The following NDOR1 variants were observed in gnomAD, a reference collection of about 807,000 sequenced individuals.
The protein encoded by NDOR1 is NADPH-dependent diflavin oxidoreductase 1.
A neutral mutation model predicts 67.2 loss-of-function variants in NDOR1; 61 were observed. That is an observed-to-expected ratio of 0.91 (90% CI 0.74 to 1.12). The LOEUF is 1.12. NDOR1 is among the 50% of genes most tolerant of loss of function. The pLI is 0.00. For missense variants in NDOR1, 878 were observed against 802.8 expected, an observed-to-expected ratio of 1.09 and a Z score of -1.13; for synonymous variants, 378 against 343.7, an observed-to-expected ratio of 1.10 and a Z score of -1.10.
At chr9:137,214,497 G>C in intron 6 of NDOR1, 73 bp from the exon 7 acceptor site, 1 of 1,609,470 alleles carries the variant, frequency 6.2e-7, no homozygotes, top group Non-Finnish European at 8.5e-7. Flanking sequence ...GGGCTGCAGG[G>C]GATGACTTCT....
At position 137,217,504 on chromosome 9, in the gene NDOR1, C is replaced by G. The variant is rs1030183871; in HGVS notation, c.*1088C>G. 1 of 153,850 alleles carries G rather than the reference C, an allele frequency of 6.5e-6. No homozygotes were observed. Among genetic ancestry groups the G allele is most frequent in the Non-Finnish European group, 1.4e-5 (1 of 69,254 alleles). 9.5% of individuals were successfully genotyped at this position (153,850 alleles called of 1,614,324 possible). Reference sequence around the variant, plus strand: ...GTTCGGTGGCTGTTCACACCCGCCTCGCTGTCTTGGAGTCTTGATCTGTCG... The same window carrying G: ...GTTCGGTGGCTGTTCACACCCGCCTGGCTGTCTTGGAGTCTTGATCTGTCG... On this transcript the variant is annotated 3_prime_UTR_variant, in exon 14 of 14. Coordinates refer to ENST00000684003, the MANE Select transcript of NDOR1 (RefSeq NM_014434.4).
Position 137,216,487 on chromosome 9 carries a change from C to T in NDOR1, c.*71C>T. 6.5e-7 allele frequency: 1 copy of T among 1,534,274 alleles called. No individual in the cohort carries two copies. Among genetic ancestry groups the T allele is most frequent in the Non-Finnish European group, 8.7e-7 (1 of 1,145,412 alleles). On this transcript the variant is annotated 3_prime_UTR_variant, in exon 14 of 14. Transcript: ENST00000684003. ...GCCCAGGAAGGCATCCACGAGGGAG[C>T]TCCTGGCCAGCAGCCGTCATCCTCT...
At chr9:137,208,479 C>CA (rs1835089672) in intron 2 of NDOR1, among the ~76,000 whole-genome samples, 1 of 147,478 alleles carries the variant, frequency 6.8e-6, no homozygotes, top group African/African-American at 2.6e-5. Flanking sequence ...AAAAACAAAA[C>CA]AAACAAACAA....
In NDOR1 at chr9:137,214,054, C is replaced by T; in HGVS notation, c.498C>T (p.Ile166=). The change falls in exon 5 of 14, where the codon ATC becomes ATT. Residue 166 remains isoleucine, a synonymous_variant. Transcript: ENST00000684003. ...LYPPPPGLTE[I]PPGVPLPSKF... ...CGCCGCCTCCGGGCCTCACTGAGAT[C>T]CCTCCCGGAGTCCCGTGAGTGTGGG... 1 of 1,542,258 alleles carries T rather than the reference C, an allele frequency of 6.5e-7. No individual in the cohort carries two copies. Among genetic ancestry groups the T allele is most frequent in the Non-Finnish European group, 8.7e-7 (1 of 1,147,354 alleles).
At chr9:137,206,084 G>T (rs1235565187) in intron 1 of NDOR1, 148 bp from the exon 2 acceptor site, 1 of 1,433,502 alleles carries the variant, frequency 7.0e-7, no homozygotes, top group African/African-American at 1.4e-5. Flanking sequence ...CCTGGAGGAG[G>T]TTGGAACCTG....
At position 137,215,690 on chromosome 9, in the gene NDOR1, T is replaced by C; in HGVS notation, c.1320T>C (p.Pro440=). The C allele has an allele frequency of 6.3e-7, 1 of 1,586,298 alleles. No homozygotes were observed. The highest frequency in any genetic ancestry group is 1.7e-5 in the Admixed American group (1 of 57,256). Residue 440 remains proline, a synonymous_variant, in exon 11 of 14, where the codon CCT becomes CCC. Coordinates refer to ENST00000684003, the MANE Select transcript of NDOR1 (RefSeq NM_014434.4). ...GPVRVPLWVR[P]GSLAFPETPD... ...TCCGGGTGCCCCTCTGGGTGCGGCCTGGGAGTCTGGCCTTCCCAGAGACAC... is the reference window on the plus strand; with the variant it reads ...TCCGGGTGCCCCTCTGGGTGCGGCCCGGGAGTCTGGCCTTCCCAGAGACAC...
At chr9:137,209,533 C>A (rs1289436423) in intron 2 of NDOR1, among the ~76,000 whole-genome samples, 1 of 152,118 alleles carries the variant, frequency 6.6e-6, no homozygotes, top group African/African-American at 2.4e-5. Context: ...TTGGAGGGGG[C>A]AGCTAATGCC....
rs776623658 is a variant in NDOR1 at position 137,214,394 on chromosome 9, A to G, written c.703A>G (p.Ile235Val). The change falls in exon 6 of 14, where the codon ATC becomes GTC. Residue 235 changes from isoleucine to valine, a missense_variant. Ile to Val is a conservative substitution (Grantham distance 29, BLOSUM62 3). Transcript: ENST00000684003. ...GGACGTTCGGCTGATTGAGTTTGAC[A>G]TCTTGGGCTCTGGCATCAGGTGGGG... is the stretch of plus-strand genomic sequence containing the variant. ...FQDVRLIEFDILGSGISFAAG... is the reference protein window; with the variant it reads ...FQDVRLIEFDVLGSGISFAAG... The G allele has an allele frequency of 5.6e-6, 9 of 1,614,096 alleles. No individual in the cohort carries two copies. In the South Asian group the frequency reaches 8.8e-5, roughly 16 times the overall value.
Position 137,216,711 on chromosome 9 carries a change from A to C in NDOR1, c.*295A>C. ...TCAAGGTGGTGGCCTGGGCCGCTCC[A>C]CCTCACCGGTGCAGTGACCCAGGAC... On this transcript the variant is annotated 3_prime_UTR_variant, in exon 14 of 14. Transcript: ENST00000684003. 2.2e-6 allele frequency: 1 copy of C among 455,046 alleles called. No individual in the cohort carries two copies. The highest frequency in any genetic ancestry group is 2.3e-5 in the South Asian group (1 of 43,378). 28.2% of individuals were successfully genotyped at this position (455,046 alleles called of 1,614,324 possible). A position where few individuals can be genotyped will look rare whatever the true frequency, so the allele number is the denominator to read the frequency against.
At chr9:137,208,802 C>T (rs1225819394) in intron 2 of NDOR1, among the ~76,000 whole-genome samples, 4 of 150,616 alleles carry the variant, frequency 2.7e-5, no homozygotes, top group South Asian at 2.1e-4. Context: ...CCAGCCTGGG[C>T]GACAGAGCAA....
intron 2 of NDOR1, among the ~76,000 whole-genome samples, chr9:137,209,352 G>A (rs1321308638): frequency 2.0e-5 from 3 of 152,178 alleles, no homozygotes; most frequent in Non-Finnish European, 4.4e-5. Context: ...GCACAGGCAC[G>A]GGAGGGGAAT....
chr9:137,211,362 C>CG (rs1371649416), intron 2 of NDOR1, among the ~76,000 whole-genome samples: 1 of 152,174 alleles, frequency 6.6e-6, no homozygotes, highest in African/African-American at 2.4e-5. Context: ...GGGCTACCCC[C>CG]GGGGCATGTC....
Position 137,205,913 on chromosome 9 carries a change from G to C in NDOR1, c.135+1G>C. ...GCAGGCCCTGGACTCCTACCCGGTG[G>C]TGAGGGCTCGCTAGGGCCTCGGCGT... On this transcript the variant is annotated splice_donor_variant, in intron 1 of 13. Transcript: ENST00000684003. LOFTEE classifies it high-confidence loss of function. 1 of 1,588,034 alleles carries C rather than the reference G, an allele frequency of 6.3e-7. No homozygotes were observed. The highest frequency in any genetic ancestry group is 8.5e-7 in the Non-Finnish European group (1 of 1,172,962).
chr9:137,216,505 C>T lies in NDOR1; in HGVS notation c.*89C>T. The T allele has an allele frequency of 6.7e-7, 1 of 1,490,560 alleles. No individual in the cohort carries two copies. The highest frequency in any genetic ancestry group is 1.3e-5 in the South Asian group (1 of 78,006). The allele number at this position is 1,490,560 out of a possible 1,614,324, so 92.3% of individuals were successfully genotyped here. A position where few individuals can be genotyped will look rare whatever the true frequency, so the allele number is the denominator to read the frequency against. ...GAGGGAGCTCCTGGCCAGCAGCCGT[C>T]ATCCTCTCGGACCAGCCAGCTGGTC... On this transcript the variant is annotated 3_prime_UTR_variant, in exon 14 of 14. Transcript: ENST00000684003.
Position 137,205,736 on chromosome 9 carries a change from T to C in NDOR1, c.-42T>C, listed in dbSNP as rs748116949. The C allele has an allele frequency of 5.8e-5, 92 of 1,599,066 alleles. No individual in the cohort carries two copies. The highest frequency in any genetic ancestry group is 7.5e-5 in the Non-Finnish European group (88 of 1,179,352). ...TGCAACCCGGCCGGCGGGAACTGCCTTCTAGTTTTTAGTCTCAGACCAGAC... is the reference window on the plus strand; with the variant it reads ...TGCAACCCGGCCGGCGGGAACTGCCCTCTAGTTTTTAGTCTCAGACCAGAC... On this transcript the variant is annotated 5_prime_UTR_variant, in exon 1 of 14. Transcript: ENST00000684003.
Position 137,218,918 on chromosome 9 carries a change from G to T in NDOR1, c.*2502G>T. Reference sequence around the variant, plus strand: ...GTGAGCAGGACCCCATTCACCCTGCGGCAGACGGGCACCGTACTGGCCACG... The same window carrying T: ...GTGAGCAGGACCCCATTCACCCTGCTGCAGACGGGCACCGTACTGGCCACG... On this transcript the variant is annotated 3_prime_UTR_variant, in exon 14 of 14. Transcript: ENST00000684003. 3.1e-6 allele frequency: 1 copy of T among 317,496 alleles called. No individual in the cohort carries two copies. 19.7% of individuals were successfully genotyped at this position (317,496 alleles called of 1,614,324 possible).
chr9:137,212,492 C>G lies in NDOR1; in HGVS notation c.214-10C>G, dbSNP rs1835308783. ...CGAGGACTCTGACTCAGAGTTTCCT[C>G]CGGCTGTAGAACTTCTGGAGGTTTA... is the stretch of plus-strand genomic sequence containing the variant. On this transcript the variant is annotated splice_polypyrimidine_tract_variant and intron_variant, in intron 2 of 13. Transcript: ENST00000684003. The surrounding 1 kb of genome is among the most constrained non-coding windows in gnomAD (Gnocchi z 4.3). 24 of 1,613,276 alleles carry G rather than the reference C, an allele frequency of 1.5e-5. No individual in the cohort carries two copies. Among genetic ancestry groups the G allele is most frequent in the Non-Finnish European group, 2.0e-5 (23 of 1,179,240 alleles).
Position 137,218,114 on chromosome 9 carries a change from C to T in NDOR1, c.*1698C>T, listed in dbSNP as rs540735423. 120 of 398,782 alleles carry T rather than the reference C, an allele frequency of 3.0e-4. No homozygotes were observed. The highest frequency in any genetic ancestry group is 6.3e-4 in the Middle Eastern group (1 of 1,592). The allele number at this position is 398,782 out of a possible 1,614,324, so 24.7% of individuals were successfully genotyped here. The stretch of plus-strand genomic sequence containing the variant: ...AGAGCCCTACGGGCCCAGAGAGCGC[C>T]GCCTGGCCCTGCTGAACTGTAGCCA... On this transcript the variant is annotated 3_prime_UTR_variant, in exon 14 of 14. Transcript: ENST00000684003.
rs771207628 is a variant in NDOR1, at chr9:137,215,972, G to C, written c.1509G>C (p.Glu503Asp). 1.9e-6 allele frequency: 3 copies of C among 1,613,248 alleles called. No homozygotes were observed. The African/African-American group carries it at 4.0e-5, about 22-fold the overall frequency. ...GGGAGGCTGAGTGGCAGGAGCTGGA[G>C]AAGCGGGACTGTCTGACCCTCATCC... ...FYWEAEWQEL[E>D]KRDCLTLIPA... The change falls in exon 12 of 14, where the codon GAG (glutamate) becomes GAC (aspartate). Residue 503 changes from glutamate to aspartate, a missense_variant. Glu to Asp is a conservative substitution (Grantham distance 45). Transcript: ENST00000684003.
Sources: gnomAD v4.1 joint callset for allele counts (sites outside exome capture counted in the v4.1 genomes callset) on GRCh38, gnomAD v4.1.1 for gene constraint, Gnocchi (gnomAD v3.1) non-coding constraint, MANE v1.5 for transcripts, NCBI Gene and HGNC (gene_info 2026-07-23, HGNC 2026-07-21) for gene names.